The following TCOF1 variants were observed in gnomAD, a reference collection of about 807,000 sequenced individuals.
TCOF1 encodes the protein treacle ribosome biogenesis factor 1, also known as treacle protein.
In TCOF1, 33 loss-of-function variants were observed where a neutral mutation model predicts 149.0. The observed-to-expected ratio is 0.22, with a 90% CI of 0.17 to 0.30. The LOEUF is 0.30. Ranked by LOEUF, TCOF1 falls within the 10% of genes least tolerant of loss-of-function variation. TCOF1 has a pLI of 1.00. For synonymous variants in TCOF1, 789 were observed against 738.8 expected, an observed-to-expected ratio of 1.07 and a Z score of -1.10; for missense variants, 1,728 against 1,840.7, an observed-to-expected ratio of 0.94 and a Z score of 1.12.
In TCOF1 at chr5:150,398,342, T is replaced by C. The variant is rs1769018488; in HGVS notation, c.4346-12T>C. 1 of 1,613,152 alleles carries C rather than the reference T, an allele frequency of 6.2e-7. No homozygotes were observed. On this transcript the variant is annotated splice_polypyrimidine_tract_variant and intron_variant, in intron 24 of 26. Coordinates refer to ENST00000643257, the MANE Select transcript of TCOF1 (RefSeq NM_001371623.1). Reference sequence around the variant, plus strand: ...CATCTGTTGTTCAGGAACTTTACTTTACTTCCCTTAGGAAAAAAAGACAAA... The same window carrying C: ...CATCTGTTGTTCAGGAACTTTACTTCACTTCCCTTAGGAAAAAAAGACAAA...
intron 2 of TCOF1, among the ~76,000 whole-genome samples, chr5:150,362,906 A>G (rs1314898589): frequency 2.6e-5 from 4 of 152,176 alleles, no homozygotes; most frequent in African/African-American, 9.7e-5. Flanking sequence ...AAACCCACGA[A>G]AGGCAGCCTA....
At chr5:150,359,769 G>A (rs1463676106) in intron 1 of TCOF1, among the ~76,000 whole-genome samples, 2 of 152,196 alleles carry the variant, frequency 1.3e-5, no homozygotes, top group African/African-American at 4.8e-5. Context: ...GAGCAGACAG[G>A]TGACAAATAG....
At chr5:150,393,733 G>A (rs1767886592) in intron 23 of TCOF1, 181 bp downstream of exon 23, 4 of 811,778 alleles carry the variant, frequency 4.9e-6, no homozygotes, top group Non-Finnish European at 5.8e-6. Flanking sequence ...TGCAGGTGGG[G>A]CCAGGTGCAG....
In TCOF1 at chr5:150,396,436, G is replaced by A. The variant is rs1431109987; in HGVS notation, c.3939G>A (p.Gln1313=). The A allele has an allele frequency of 4.3e-6, 7 of 1,613,954 alleles. No individual in the cohort carries two copies. Among genetic ancestry groups the A allele is most frequent in the Non-Finnish European group, 5.9e-6 (7 of 1,180,026 alleles). The change falls in exon 24 of 27, where the codon CAG becomes CAA. Residue 1313 remains glutamine, a synonymous_variant. Coordinates refer to ENST00000643257, the MANE Select transcript of TCOF1 (RefSeq NM_001371623.1). ...GGCCCCTGAATGAGGCCCAGGTGCAGGCCTCAGTGGTGAAGGTCCTGACTG... is the reference window on the plus strand; with the variant it reads ...GGCCCCTGAATGAGGCCCAGGTGCAAGCCTCAGTGGTGAAGGTCCTGACTG... ...QPWPLNEAQV[Q]ASVVKVLTEL...
At chr5:150,378,063 G>A (rs1764218834) in intron 14 of TCOF1, among the ~76,000 whole-genome samples, 2 of 152,196 alleles carry the variant, frequency 1.3e-5, no homozygotes, top group African/African-American at 4.8e-5. Context: ...CTACTGATGA[G>A]CACCTCGGCC....
intron 26 of TCOF1, 128 bp from the exon 27 acceptor site, chr5:150,399,682 T>G (rs751094361): frequency 6.4e-6 from 1 of 156,454 alleles, no homozygotes; most frequent in African/African-American, 2.4e-5. Context: ...TCTCAGAACA[T>G]TCCAAGTGCT....
At chr5:150,378,405 A>T (rs1764292927) in intron 14 of TCOF1, among the ~76,000 whole-genome samples, 1 of 152,208 alleles carries the variant, frequency 6.6e-6, no homozygotes, top group South Asian at 2.1e-4. Context: ...ACCTTAAACA[A>T]CAAGTATCTT....
At chr5:150,395,524 G>C (rs1017575239) in intron 23 of TCOF1, among the ~76,000 whole-genome samples, 3 of 152,096 alleles carry the variant, frequency 2.0e-5, no homozygotes, top group African/African-American at 7.2e-5. Context: ...CATTTTAGAG[G>C]GGGCTGTGGA....
chr5:150,363,881 T>C lies in TCOF1; in HGVS notation c.165-232T>C, dbSNP rs552760359. On this transcript the variant is annotated intron_variant, in intron 2 of 26. Transcript: ENST00000643257. ...TAGCTGCTGCAGCTGTTATATAACATTATCCAGCATTCCTGATTATTTTAA... is the reference window on the plus strand; with the variant it reads ...TAGCTGCTGCAGCTGTTATATAACACTATCCAGCATTCCTGATTATTTTAA... Among the ~76,000 whole-genome samples, 3 of 152,362 alleles carry C rather than the reference T, an allele frequency of 2.0e-5. No individual in the cohort carries two copies. In the East Asian group the frequency reaches 5.8e-4, roughly 29 times the overall value.
rs910320821 is a variant in TCOF1 at position 150,400,182 on chromosome 5, G to A, written c.*395G>A. ...ACCTGTGCCTCATCCCGTGCCGCTCGGTCTCTGGCTGATCCCGAGGCTTTG... is the reference window on the plus strand; with the variant it reads ...ACCTGTGCCTCATCCCGTGCCGCTCAGTCTCTGGCTGATCCCGAGGCTTTG... On this transcript the variant is annotated 3_prime_UTR_variant, in exon 27 of 27. Transcript: ENST00000643257. 5 of 151,956 alleles carry A rather than the reference G, an allele frequency of 3.3e-5. No individual in the cohort carries two copies. The highest frequency in any genetic ancestry group is 2.0e-4 in the Admixed American group (3 of 15,266). The allele number at this position is 151,956 out of a possible 1,614,324, so 9.4% of individuals were successfully genotyped here.
At chr5:150,388,462 A>G (rs1021933732) in intron 18 of TCOF1, among the ~76,000 whole-genome samples, 27 of 152,182 alleles carry the variant, frequency 1.8e-4, no homozygotes, top group Non-Finnish European at 2.8e-4. Context: ...AGGTTAGGCA[A>G]TCCCTAAGCC....
At chr5:150,365,150 C>T (rs549911924) in intron 3 of TCOF1, 1 of 152,198 alleles carries the variant, frequency 6.6e-6, no homozygotes, top group Admixed American at 6.5e-5. Context: ...GCAACCCCCG[C>T]CTCCTGGGTT....
chr5:150,362,960 A>G (rs953704375), intron 2 of TCOF1, among the ~76,000 whole-genome samples: 18 of 152,230 alleles, frequency 1.2e-4, no homozygotes, highest in African/African-American at 4.1e-4. Context: ...AACTAGCTGT[A>G]TGTATGACCT....
At chr5:150,383,236 A>C in intron 17 of TCOF1, 1 of 1,399,536 alleles carries the variant, frequency 7.1e-7, no homozygotes, top group South Asian at 1.3e-5. Context: ...GCCTTGCAGG[A>C]GAGGGCAGAT....
intron 4 of TCOF1, 121 bp downstream of exon 4, chr5:150,368,038 A>C: frequency 9.4e-7 from 1 of 1,060,342 alleles, no homozygotes; most frequent in South Asian, 1.4e-5. Context: ...TTCAGAGCTC[A>C]ACCTGTGTCA....
chr5:150,365,280 G>A (rs1761089968), intron 3 of TCOF1, among the ~76,000 whole-genome samples: 1 of 142,564 alleles, frequency 7.0e-6, no homozygotes, highest in South Asian at 2.2e-4. Context: ...TTTTAATAGA[G>A]ACGGGGTTTC....
At position 150,398,364 on chromosome 5, in the gene TCOF1, C is replaced by T; in HGVS notation, c.4356C>T (p.Asp1452=). The stretch of plus-strand genomic sequence containing the variant: ...CTTTACTTCCCTTAGGAAAAAAAGA[C>T]AAAGAAAAAAAAGAAAAGAAGAAGA... ...EKKKSDKRKK[D]KEKKEKKKKA... is the part of the protein sequence containing the mutation. Residue 1452 remains aspartate (D), a synonymous_variant, in exon 25 of 27, where the codon GAC becomes GAT. Transcript: ENST00000643257. 6.2e-7 allele frequency: 1 copy of T among 1,610,788 alleles called. No homozygotes were observed. The highest frequency in any genetic ancestry group is 1.7e-5 in the Admixed American group (1 of 59,514).
At chr5:150,384,436 T>G (rs865828316) in intron 17 of TCOF1, 2 of 985,350 alleles carry the variant, frequency 2.0e-6, no homozygotes, top group Non-Finnish European at 2.4e-6. Flanking sequence ...GCACAGGCCA[T>G]TCACATTCTG....
intron 17 of TCOF1, among the ~76,000 whole-genome samples, chr5:150,385,766 A>G (rs1581174850): frequency 6.6e-6 from 1 of 152,272 alleles, no homozygotes; most frequent in Non-Finnish European, 1.5e-5. Flanking sequence ...TACAGGTAGG[A>G]GGGGTATCCC....
Sources: gnomAD v4.1 joint callset for allele counts (sites outside exome capture counted in the v4.1 genomes callset) on GRCh38, gnomAD v4.1.1 for gene constraint, MANE v1.5 for transcripts, NCBI Gene and HGNC (gene_info 2026-07-23, HGNC 2026-07-21) for gene names.